GPC5: variants seen among roughly 807,000 people sequenced by gnomAD.
GPC5 encodes the protein glypican-5.
Under a neutral mutation model 53.9 loss-of-function variants are expected in GPC5, and 47 were observed. The observed-to-expected ratio is 0.87, with a 90% CI of 0.69 to 1.11. The LOEUF (loss-of-function observed/expected upper bound fraction) is 1.11, where lower values mean the gene tolerates loss of function less well. GPC5 is among the 50% of genes most tolerant of loss of function. The pLI is 0.00. For synonymous variants in GPC5, 286 were observed against 263.3 expected (o/e 1.09, Z -0.84); for missense variants, 748 against 713.1 (o/e 1.05, Z -0.56).
intron 7 of GPC5, among the ~76,000 whole-genome samples, chr13:92,392,023 G>A (rs1008047397): frequency 2.0e-5 from 3 of 152,124 alleles, no homozygotes; most frequent in African/African-American, 2.4e-5. Context: ...TTTTGCCTGC[G>A]AGAGAGCAGA....
chr13:91,831,807 C>T (rs897727898), intron 5 of GPC5, among the ~76,000 whole-genome samples: 21 of 152,138 alleles, frequency 1.4e-4, no homozygotes, highest in African/African-American at 4.6e-4. Flanking sequence ...AATTTGATTG[C>T]ACTGTGGTCT....
At chr13:92,419,699 C>T (rs1876476891) in intron 7 of GPC5, among the ~76,000 whole-genome samples, 1 of 152,166 alleles carries the variant, frequency 6.6e-6, no homozygotes, top group Admixed American at 6.5e-5. Flanking sequence ...CCTAGCCCAC[C>T]AGCATGGTTT....
intron 2 of GPC5, among the ~76,000 whole-genome samples, chr13:91,571,798 TATATACACAC>T (rs2031811192): frequency 8.5e-6 from 1 of 117,242 alleles, no homozygotes; most frequent in Non-Finnish European, 1.8e-5. Flanking sequence ...CGTGTGTGTA[TATATACACAC>T]ACATACGTGT....
At chr13:92,058,798 C>T (rs2041097534) in intron 6 of GPC5, among the ~76,000 whole-genome samples, 1 of 152,154 alleles carries the variant, frequency 6.6e-6, no homozygotes, top group Admixed American at 6.5e-5. Flanking sequence ...CCCTCCTCAG[C>T]CTCCCAAAGT....
intron 7 of GPC5, among the ~76,000 whole-genome samples, chr13:92,741,087 T>C (rs1889078857): frequency 6.6e-6 from 1 of 150,738 alleles, no homozygotes; most frequent in Admixed American, 6.7e-5. Context: ...TGCTATGGTT[T>C]GAATGTGCCC....
intron 5 of GPC5, among the ~76,000 whole-genome samples, chr13:91,906,304 AGGC>A (rs1464581207): frequency 2.0e-4 from 31 of 152,072 alleles, no homozygotes; most frequent in African/African-American, 6.7e-4. Flanking sequence ...AATACATCAA[AGGC>A]TACTTCAAGT....
chr13:91,885,101 C>T (rs1195952959), intron 5 of GPC5, among the ~76,000 whole-genome samples: 1 of 152,120 alleles, frequency 6.6e-6, no homozygotes. Context: ...AGGATTTTGG[C>T]TTCACAGTTT....
intron 2 of GPC5, among the ~76,000 whole-genome samples, chr13:91,668,799 G>A (rs1430902564): frequency 6.6e-6 from 1 of 151,990 alleles, no homozygotes; most frequent in Non-Finnish European, 1.5e-5. Flanking sequence ...CCTAATATAA[G>A]CAATAAAATA....
intron 7 of GPC5, among the ~76,000 whole-genome samples, chr13:92,193,939 T>C (rs2042240606): frequency 6.6e-6 from 1 of 152,206 alleles, no homozygotes; most frequent in Non-Finnish European, 1.5e-5. Context: ...ATATACATTT[T>C]AAGGGGAAGA....
Position 92,281,182 on chromosome 13 carries a change from C to T in GPC5, c.1561+136193C>T, listed in dbSNP as rs145680938. On this transcript the variant is annotated intron_variant, in intron 7 of 7. Coordinates refer to ENST00000377067, the MANE Select transcript of GPC5 (RefSeq NM_004466.6). ...GGCAGTCTGAGATGGAACTACAAGGCGTCAGCAAGGCTGGGGTAGGGGAGC... is the reference window on the plus strand; with the variant it reads ...GGCAGTCTGAGATGGAACTACAAGGTGTCAGCAAGGCTGGGGTAGGGGAGC... Among the ~76,000 whole-genome samples, 34 of 152,256 alleles carry T rather than the reference C, an allele frequency of 2.2e-4. No homozygotes were observed. The East Asian group carries it at 4.1e-3, about 18-fold the overall frequency.
At chr13:91,573,471 A>C (rs2032016443) in intron 2 of GPC5, among the ~76,000 whole-genome samples, 1 of 152,194 alleles carries the variant, frequency 6.6e-6, no homozygotes. Context: ...CAAAGTAATG[A>C]AGCTGAATAT....
intron 7 of GPC5, among the ~76,000 whole-genome samples, chr13:92,197,305 TGACATA>T (rs1166249536): frequency 6.6e-6 from 1 of 152,194 alleles, no homozygotes; most frequent in East Asian, 1.9e-4. Flanking sequence ...TAAATAATAT[TGACATA>T]AATAAGTGTA....
chr13:91,894,752 A>T (rs1415139963), intron 5 of GPC5, among the ~76,000 whole-genome samples: 1 of 152,200 alleles, frequency 6.6e-6, no homozygotes, highest in Non-Finnish European at 1.5e-5. Context: ...ATTTGCAGAC[A>T]TCCATCACTA....
chr13:91,716,246 G>A (rs1344347565), intron 3 of GPC5, among the ~76,000 whole-genome samples: 1 of 152,072 alleles, frequency 6.6e-6, no homozygotes, highest in East Asian at 1.9e-4. Flanking sequence ...CTTAAGTGTA[G>A]TTGTTTTTTT....
chr13:91,763,788 T>G (rs1300743890), intron 5 of GPC5, among the ~76,000 whole-genome samples: 1 of 152,148 alleles, frequency 6.6e-6, no homozygotes, highest in Non-Finnish European at 1.5e-5. Flanking sequence ...ATGGTTTGGG[T>G]CTATAACAAA....
intron 7 of GPC5, among the ~76,000 whole-genome samples, chr13:92,260,475 G>A (rs542511031): frequency 1.3e-5 from 2 of 152,130 alleles, no homozygotes; most frequent in Non-Finnish European, 2.9e-5. Context: ...CTGTAGATCC[G>A]CATCAGGCCC....
intron 2 of GPC5, among the ~76,000 whole-genome samples, chr13:91,578,341 T>C (rs2139069112): frequency 6.6e-6 from 1 of 152,360 alleles, no homozygotes; most frequent in Middle Eastern, 3.4e-3. Context: ...ATATATTCAT[T>C]GCTTTAAGCA....
At chr13:91,904,451 T>C (rs2039532519) in intron 5 of GPC5, among the ~76,000 whole-genome samples, 2 of 152,076 alleles carry the variant, frequency 1.3e-5, no homozygotes, top group African/African-American at 4.8e-5. Flanking sequence ...GCTAATTATA[T>C]CTTTACCTTT....
At chr13:92,693,040 G>A (rs914499340) in intron 7 of GPC5, among the ~76,000 whole-genome samples, 7 of 152,020 alleles carry the variant, frequency 4.6e-5, no homozygotes, top group African/African-American at 1.7e-4. Context: ...GTGTTTGGCA[G>A]TTCCTAGCTC....
Sources: gnomAD v4.1 joint callset for allele counts (sites outside exome capture counted in the v4.1 genomes callset) on GRCh38, gnomAD v4.1.1 for gene constraint, MANE v1.5 for transcripts, NCBI Gene and HGNC (gene_info 2026-07-23, HGNC 2026-07-21) for gene names.